CTNND2: variants seen among roughly 807,000 people sequenced by gnomAD.
CTNND2 encodes catenin delta 2, also known as catenin delta-2.
A neutral mutation model predicts 144.4 loss-of-function variants in CTNND2; 22 were observed. The observed-to-expected ratio is 0.15, with a 90% CI of 0.11 to 0.22. CTNND2 has a LOEUF of 0.22. Among genes scored for constraint, CTNND2 ranks in the 10% least tolerant of loss-of-function variants. CTNND2 has a pLI of 1.00. For synonymous variants in CTNND2, 751 were observed against 695.6 expected (o/e 1.08, Z -1.25); for missense variants, 1,353 against 1,618.8 (o/e 0.84, Z 2.82).
rs575283778 is a variant in CTNND2, at chr5:11,802,396, C to G, written c.38-70124G>C. ...CAGCCTGACCAACAGGGAGAAACCC[C>G]GTCCCTACTAAAAGTGCAAAATTAG... On this transcript the variant is annotated intron_variant, in intron 1 of 21. Transcript: ENST00000304623. Among the ~76,000 whole-genome samples the G allele has an allele frequency of 2.0e-5, 3 of 151,898 alleles. No individual in the cohort carries two copies. In the East Asian group the frequency reaches 5.8e-4, roughly 30 times the overall value.
At chr5:11,563,653 A>T (rs987162111) in intron 3 of CTNND2, among the ~76,000 whole-genome samples, 7 of 152,254 alleles carry the variant, frequency 4.6e-5, no homozygotes, top group Admixed American at 4.6e-4. Context: ...GCTTTCACAT[A>T]TCCTAAATAA....
At chr5:11,269,434 G>C (rs1340437128) in intron 9 of CTNND2, among the ~76,000 whole-genome samples, 1 of 152,144 alleles carries the variant, frequency 6.6e-6, no homozygotes, top group East Asian at 1.9e-4. Flanking sequence ...TACCAAAATA[G>C]ATACAGTCTT....
chr5:11,680,603 C>T (rs1784384786), intron 2 of CTNND2, among the ~76,000 whole-genome samples: 1 of 152,144 alleles, frequency 6.6e-6, no homozygotes, highest in Non-Finnish European at 1.5e-5. Context: ...CTAAAATGTG[C>T]ATTACGTGCA....
chr5:11,434,892 T>C (rs575430003), intron 3 of CTNND2, among the ~76,000 whole-genome samples: 2 of 152,284 alleles, frequency 1.3e-5, no homozygotes, highest in South Asian at 2.1e-4. Flanking sequence ...AAATAGATTA[T>C]GTAATCAAAT....
intron 2 of CTNND2, among the ~76,000 whole-genome samples, chr5:11,660,350 C>A (rs1435810821): frequency 6.6e-6 from 1 of 151,980 alleles, no homozygotes; most frequent in Non-Finnish European, 1.5e-5. Flanking sequence ...GTTGAGCTTG[C>A]CTGATTTAAG....
intron 6 of CTNND2, among the ~76,000 whole-genome samples, chr5:11,393,821 G>A (rs1354141164): frequency 6.6e-6 from 1 of 152,104 alleles, no homozygotes. Context: ...ACAGAGTAAT[G>A]TTTTTAACAC....
chr5:11,766,968 C>T (rs909277077), intron 1 of CTNND2, among the ~76,000 whole-genome samples: 1 of 152,098 alleles, frequency 6.6e-6, no homozygotes, highest in Non-Finnish European at 1.5e-5. Context: ...GTGGCATCTC[C>T]TTGCATGCCA....
At chr5:11,622,564 G>A (rs768859742) in intron 2 of CTNND2, among the ~76,000 whole-genome samples, 3 of 152,098 alleles carry the variant, frequency 2.0e-5, no homozygotes, top group Non-Finnish European at 2.9e-5. Context: ...TCTAAAAGGT[G>A]CAATTGATTG....
At chr5:11,108,018 TGGG>T (rs2149680489) in intron 14 of CTNND2, among the ~76,000 whole-genome samples, 1 of 152,312 alleles carries the variant, frequency 6.6e-6, no homozygotes, top group East Asian at 1.9e-4. Flanking sequence ...TCGCTCTCTT[TGGG>T]GATCAATTGC....
intron 6 of CTNND2, among the ~76,000 whole-genome samples, chr5:11,390,657 G>A (rs1024173002): frequency 6.6e-6 from 1 of 152,220 alleles, no homozygotes; most frequent in Non-Finnish European, 1.5e-5. Flanking sequence ...AAGTCCCCCA[G>A]TTCTGGGACA....
At chr5:11,509,511 G>A (rs1254676649) in intron 3 of CTNND2, among the ~76,000 whole-genome samples, 2 of 151,998 alleles carry the variant, frequency 1.3e-5, no homozygotes, top group East Asian at 1.9e-4. Context: ...AAAGTAGGAG[G>A]GTTAAAGAGC....
intron 20 of CTNND2, among the ~76,000 whole-genome samples, chr5:10,983,824 C>T (rs1416682600): frequency 6.6e-6 from 1 of 152,162 alleles, no homozygotes; most frequent in Non-Finnish European, 1.5e-5. Flanking sequence ...CCTGAGACGG[C>T]TCTCCACTAT....
intron 9 of CTNND2, among the ~76,000 whole-genome samples, chr5:11,332,751 C>T (rs2149718210): frequency 6.6e-6 from 1 of 152,278 alleles, no homozygotes; most frequent in South Asian, 2.1e-4. Context: ...TAAACTGTGT[C>T]CCCACACAAA....
At chr5:11,734,686 T>A (rs1787582410) in intron 1 of CTNND2, among the ~76,000 whole-genome samples, 2 of 152,182 alleles carry the variant, frequency 1.3e-5, no homozygotes, top group African/African-American at 4.8e-5. Context: ...TTATACCATA[T>A]CTAAGCATCC....
At chr5:11,519,864 C>A (rs891103925) in intron 3 of CTNND2, among the ~76,000 whole-genome samples, 1 of 151,920 alleles carries the variant, frequency 6.6e-6, no homozygotes. Flanking sequence ...TCTGGCCAGG[C>A]ATGGTGGCTC....
intron 1 of CTNND2, among the ~76,000 whole-genome samples, chr5:11,788,933 G>GT (rs1000127941): frequency 7.3e-5 from 11 of 151,182 alleles, no homozygotes; most frequent in East Asian, 1.9e-4. Flanking sequence ...GCAGTGTTTG[G>GT]TTTTTTGTCC....
intron 1 of CTNND2, among the ~76,000 whole-genome samples, chr5:11,824,172 A>G (rs562209229): frequency 3.3e-5 from 5 of 152,044 alleles, no homozygotes; most frequent in Admixed American, 3.3e-4. Flanking sequence ...AAATTATTAG[A>G]CTTCTTGTTG....
chr5:11,725,598 G>A (rs1278566120), intron 2 of CTNND2, among the ~76,000 whole-genome samples: 3 of 152,094 alleles, frequency 2.0e-5, no homozygotes, highest in African/African-American at 7.2e-5. Context: ...GTTGTGTAGT[G>A]TAGTGGGGGG....
chr5:11,863,078 T>A (rs577448464), intron 1 of CTNND2, among the ~76,000 whole-genome samples: 1 of 152,324 alleles, frequency 6.6e-6, no homozygotes, highest in African/African-American at 2.4e-5. Context: ...TTTCTCGTAT[T>A]TCATTTAACC....
Sources: allele counts gnomAD v4.1 joint callset (sites outside exome capture counted in the v4.1 genomes callset), GRCh38; gene constraint gnomAD v4.1.1; transcripts MANE v1.5; gene names NCBI Gene and HGNC (gene_info 2026-07-23, HGNC 2026-07-21).